The following PHLPP1 variants were observed in gnomAD, a reference collection of about 807,000 sequenced individuals.
The protein encoded by PHLPP1 is PH domain leucine-rich repeat-containing protein phosphatase 1.
In PHLPP1, 42 loss-of-function variants were observed where a neutral mutation model predicts 117.2. That is an observed-to-expected ratio of 0.36 (90% confidence interval 0.28 to 0.46). The LOEUF (loss-of-function observed/expected upper bound fraction) is 0.46. PHLPP1 is among the 20% of genes least tolerant of loss of function. PHLPP1 has a pLI of 1.00. For synonymous variants in PHLPP1, 1,042 were observed against 970.7 expected (o/e 1.07, Z -1.37); for missense variants, 2,084 against 2,241.9 (o/e 0.93, Z 1.42).
At chr18:62,822,278 T>G (rs1221791228) in intron 1 of PHLPP1, among the ~76,000 whole-genome samples, 11 of 145,832 alleles carry the variant, frequency 7.5e-5, no homozygotes, top group Admixed American at 1.4e-4. Flanking sequence ...TTTTTTTTTT[T>G]TGTTTTTGTT....
At chr18:62,823,320 C>T (rs2144324257) in intron 1 of PHLPP1, among the ~76,000 whole-genome samples, 1 of 152,090 alleles carries the variant, frequency 6.6e-6, no homozygotes, top group African/African-American at 2.4e-5. Context: ...AATCCTAACA[C>T]GTGGGGGCCG....
At chr18:62,905,643 C>T (rs1260449473) in intron 8 of PHLPP1, among the ~76,000 whole-genome samples, 2 of 151,696 alleles carry the variant, frequency 1.3e-5, no homozygotes, top group African/African-American at 4.8e-5. Context: ...AATTTTTTTT[C>T]AAACTCTGCC....
At chr18:62,784,147 G>A (rs1018590729) in intron 1 of PHLPP1, among the ~76,000 whole-genome samples, 3 of 152,226 alleles carry the variant, frequency 2.0e-5, no homozygotes, top group East Asian at 3.8e-4. Context: ...GGGGCAGACA[G>A]TGGGGTATGT....
intron 6 of PHLPP1, among the ~76,000 whole-genome samples, chr18:62,902,447 C>G (rs1357613815): frequency 6.6e-6 from 1 of 152,218 alleles, no homozygotes; most frequent in Non-Finnish European, 1.5e-5. Context: ...CGTTGTGTGA[C>G]TCCCGTCCAT....
At chr18:62,813,919 A>T (rs1273129588) in intron 1 of PHLPP1, among the ~76,000 whole-genome samples, 3 of 151,326 alleles carry the variant, frequency 2.0e-5, no homozygotes, top group African/African-American at 4.9e-5. Context: ...TTCATGGCTC[A>T]TTTTACTATA....
chr18:62,772,830 C>CAAAAAAAAAAAAAAAAAAAAAA (rs59776161), intron 1 of PHLPP1, among the ~76,000 whole-genome samples: 3 of 61,070 alleles, frequency 4.9e-5, no homozygotes, highest in African/African-American at 2.2e-4. Context: ...GACTCTTTCT[C>CAAAAAAAAAAAAAAAAAAAAAA]AAAAAAAAAA....
intron 4 of PHLPP1, among the ~76,000 whole-genome samples, chr18:62,873,006 A>G (rs1171336516): frequency 7.4e-6 from 1 of 135,358 alleles, no homozygotes; most frequent in Non-Finnish European, 1.7e-5. Flanking sequence ...AAAAAAAAAA[A>G]AGAAAAGGGG....
chr18:62,851,671 G>A (rs2144353494), intron 3 of PHLPP1, among the ~76,000 whole-genome samples: 1 of 152,128 alleles, frequency 6.6e-6, no homozygotes, highest in East Asian at 1.9e-4. Context: ...ATGTTGGTCA[G>A]ACTGGTCTCA....
At chr18:62,882,953 A>G (rs887616265) in intron 4 of PHLPP1, among the ~76,000 whole-genome samples, 1 of 149,464 alleles carries the variant, frequency 6.7e-6, no homozygotes, top group African/African-American at 2.5e-5. Flanking sequence ...TCTTAAAAAA[A>G]AAAAAAAAAG....
chr18:62,768,074 C>T (rs750114733), intron 1 of PHLPP1, among the ~76,000 whole-genome samples: 2 of 152,064 alleles, frequency 1.3e-5, no homozygotes, highest in African/African-American at 2.4e-5. Context: ...GGGGTGTTGC[C>T]AAGAAGGCCT....
chr18:62,807,400 T>C (rs185333515), intron 1 of PHLPP1, among the ~76,000 whole-genome samples: 96 of 152,346 alleles, frequency 6.3e-4, no homozygotes, highest in Non-Finnish European at 1.3e-3. Context: ...ATTGAGTATT[T>C]GCTCTAAGGC....
intron 13 of PHLPP1, among the ~76,000 whole-genome samples, chr18:62,961,316 T>A (rs193015638): frequency 1.3e-5 from 2 of 151,934 alleles, no homozygotes; most frequent in African/African-American, 4.8e-5. Context: ...AATAAAGATA[T>A]ACAAGAGTCA....
At chr18:62,937,527 A>G (rs1910010515) in intron 10 of PHLPP1, among the ~76,000 whole-genome samples, 1 of 152,244 alleles carries the variant, frequency 6.6e-6, no homozygotes, top group Admixed American at 6.5e-5. Context: ...TTATTTTTCA[A>G]CATTTGAATT....
At chr18:62,872,705 G>A (rs764047483) in intron 4 of PHLPP1, among the ~76,000 whole-genome samples, 1 of 150,828 alleles carries the variant, frequency 6.6e-6, no homozygotes, top group Admixed American at 6.6e-5. Context: ...AAAAAAATTA[G>A]GTGGGGCGTG....
chr18:62,867,887 C>T (rs956666287), intron 4 of PHLPP1, among the ~76,000 whole-genome samples: 8 of 152,088 alleles, frequency 5.3e-5, no homozygotes, highest in African/African-American at 1.9e-4. Flanking sequence ...TCTCGGCTCA[C>T]TGCAAGCTCC....
At chr18:62,849,314 A>G (rs1915261751) in intron 3 of PHLPP1, among the ~76,000 whole-genome samples, 1 of 152,164 alleles carries the variant, frequency 6.6e-6, no homozygotes, top group Admixed American at 6.5e-5. Context: ...TGGTCATGTT[A>G]TATTTTAAAG....
intron 9 of PHLPP1, among the ~76,000 whole-genome samples, chr18:62,915,770 A>G (rs900949468): frequency 2.6e-5 from 4 of 152,178 alleles, no homozygotes; most frequent in African/African-American, 9.7e-5. Flanking sequence ...GCTGGCCAGT[A>G]TGGTATCCAC....
rs753776145 is a variant in PHLPP1, at chr18:62,978,987, C to T, written c.4710C>T (p.His1570=). 3 of 1,612,352 alleles carry T rather than the reference C, an allele frequency of 1.9e-6. No homozygotes were observed. Among genetic ancestry groups the T allele is most frequent in the Non-Finnish European group, 1.7e-6 (2 of 1,179,344 alleles). ...GGGTGGAGGTGGAGGTGGACATCCACTGCAGCCGGGCCAAGGAGAAGGAGA... is the reference window on the plus strand; with the variant it reads ...GGGTGGAGGTGGAGGTGGACATCCATTGCAGCCGGGCCAAGGAGAAGGAGA... ...GSRVEVEVDI[H]CSRAKEKEKQ... Residue 1570 remains histidine, a synonymous_variant, in exon 17 of 17, where the codon CAC becomes CAT. Coordinates refer to ENST00000262719, the MANE Select transcript of PHLPP1 (RefSeq NM_194449.4). This position sits in a 1 kb window ranked among gnomAD's most constrained non-coding sequence, Gnocchi z 7.0.
intron 1 of PHLPP1, among the ~76,000 whole-genome samples, chr18:62,728,292 C>CA (rs11374202): frequency 0.15 from 20,078 of 133,332 alleles, 3,062 homozygotes; most frequent in African/African-American, 0.4. Context: ...GAGACTGACT[C>CA]AAAAAAAAAA....
Sources: allele counts gnomAD v4.1 joint callset (sites outside exome capture counted in the v4.1 genomes callset), GRCh38; gene constraint gnomAD v4.1.1; non-coding constraint Gnocchi (gnomAD v3.1); transcripts MANE v1.5; gene names NCBI Gene and HGNC (gene_info 2026-07-23, HGNC 2026-07-21).